BCAR3: variants seen among roughly 807,000 people sequenced by gnomAD.
BCAR3 encodes breast cancer anti-estrogen resistance protein 3.
BCAR3 carries 37 observed loss-of-function variants against 80.1 expected under a neutral mutation model. The ratio of observed to expected loss-of-function variants is 0.46; its 90% CI spans 0.36 to 0.61. The LOEUF (loss-of-function observed/expected upper bound fraction) is 0.61, where lower values mean the gene tolerates loss of function less well. BCAR3 is among the 20% of genes least tolerant of loss of function. BCAR3 has a pLI of 0.00. For synonymous variants in BCAR3, 389 were observed against 418.9 expected (o/e 0.93, Z 0.87); for missense variants, 978 against 1,068.2 (o/e 0.92, Z 1.18).
intron 3 of BCAR3, among the ~76,000 whole-genome samples, chr1:93,625,761 G>C (rs2101894318): frequency 6.6e-6 from 1 of 152,294 alleles, no homozygotes; most frequent in East Asian, 1.9e-4. Context: ...CCCAGGGTCT[G>C]ACACATCCTT....
chr1:93,675,082 A>G, intron 1 of BCAR3, 141 bp from the exon 2 acceptor site: 2 of 640,018 alleles, frequency 3.1e-6, no homozygotes, highest in Non-Finnish European at 4.9e-6. Context: ...TAATGGCATC[A>G]CTAGTGGAGT....
rs190536957 is a variant in BCAR3, at chr1:93,804,909, T to C, written c.-63+40658A>G. On this transcript the variant is annotated intron_variant, in intron 2 of 13. Coordinates refer to the BCAR3 transcript ENST00000370244. ...GTGTGGAATTATGTTTCACGTCTTT[T>C]GGGTAAATACTTATGAGTGGAATTT... Among the ~76,000 whole-genome samples the C allele has an allele frequency of 7.7e-4, 118 of 152,326 alleles. 1 individual carries two copies. The highest frequency in any genetic ancestry group is 2.8e-3 in the African/African-American group (116 of 41,582).
intron 8 of BCAR3, among the ~76,000 whole-genome samples, chr1:93,573,633 ATTTT>A (rs1156233219): frequency 7.2e-6 from 1 of 138,298 alleles, no homozygotes; most frequent in African/African-American, 2.8e-5. Flanking sequence ...TATTATTATT[ATTTT>A]TTTTTTTTTG....
At chr1:93,575,405 G>T (rs546987394) in intron 8 of BCAR3, among the ~76,000 whole-genome samples, 181 of 152,326 alleles carry the variant, frequency 1.2e-3, no homozygotes, top group African/African-American at 2.8e-3. Flanking sequence ...CTCATTGTTG[G>T]TGTCTTTCTA....
chr1:93,798,995 A>G (rs759708710), intron 2 of BCAR3, among the ~76,000 whole-genome samples: 3 of 152,222 alleles, frequency 2.0e-5, no homozygotes, highest in Non-Finnish European at 4.4e-5. Context: ...ACATTGTAAT[A>G]AAGCCAATCA....
At chr1:93,682,584 C>A (rs188651081), upstream of BCAR3, among the ~76,000 whole-genome samples, 1 of 152,142 alleles carries the variant, frequency 6.6e-6, no homozygotes, top group African/African-American at 2.4e-5. Context: ...GACAGAGTTT[C>A]GGTCTTGTTG....
intron 2 of BCAR3, among the ~76,000 whole-genome samples, chr1:93,662,452 A>G (rs1210738279): frequency 7.2e-5 from 11 of 152,068 alleles, no homozygotes; most frequent in Admixed American, 5.2e-4. Flanking sequence ...CAAAATACCA[A>G]GATCTCTTTT....
chr1:93,641,771 G>C (rs991140336), intron 3 of BCAR3, among the ~76,000 whole-genome samples: 1 of 152,036 alleles, frequency 6.6e-6, no homozygotes, highest in South Asian at 2.1e-4. Context: ...GGGAGCCTTC[G>C]GTCCTCCACT....
intron 3 of BCAR3, among the ~76,000 whole-genome samples, chr1:93,639,308 T>C (rs1421803669): frequency 6.6e-6 from 1 of 152,086 alleles, no homozygotes; most frequent in Non-Finnish European, 1.5e-5. Flanking sequence ...TCTCCTGCCA[T>C]GACACTGCAG....
intron 2 of BCAR3, among the ~76,000 whole-genome samples, chr1:93,649,218 G>A (rs1342616607): frequency 1.3e-5 from 2 of 152,164 alleles, no homozygotes; most frequent in Admixed American, 6.5e-5. Flanking sequence ...GGCCAAACAG[G>A]AGCACAGGGG....
intron 3 of BCAR3, among the ~76,000 whole-genome samples, chr1:93,620,922 A>G (rs567004904): frequency 1.3e-4 from 20 of 152,168 alleles, no homozygotes; most frequent in Non-Finnish European, 2.6e-4. Flanking sequence ...CAAGTCCCTA[A>G]TGGCAGGAAT....
At chr1:93,584,179 T>C (rs774084152) in intron 5 of BCAR3, 58 bp from the exon 6 acceptor site, 2 of 1,494,342 alleles carry the variant, frequency 1.3e-6, no homozygotes, top group Non-Finnish European at 9.2e-7. Flanking sequence ...ATAAAACTTT[T>C]AGGCAATGCC....
chr1:93,835,534 C>T (rs920226348), intron 2 of BCAR3, among the ~76,000 whole-genome samples: 7 of 152,202 alleles, frequency 4.6e-5, no homozygotes, highest in Non-Finnish European at 8.8e-5. Flanking sequence ...CTTCCAGCCT[C>T]ACAGGCCCAT....
In BCAR3 at chr1:93,582,924, C is replaced by T. The variant is rs1305103844; in HGVS notation, c.1063G>A (p.Val355Met). 1.3e-6 allele frequency: 2 copies of T among 1,597,120 alleles called. No individual in the cohort carries two copies. Among genetic ancestry groups the T allele is most frequent in the East Asian group, 2.2e-5 (1 of 44,640 alleles). ...GCKLPPQSSGVDTSPCPNSPV... is the reference protein window; with the variant it reads ...GCKLPPQSSGMDTSPCPNSPV... The stretch of plus-strand genomic sequence containing the variant: ...GAGTTTGGGCAGGGGCTTGTGTCCA[C>T]ACCCGAGGACTGAGGTGGCAGCTTG... The change falls in exon 7 of 12, where the codon GTG (valine) becomes ATG (methionine). Residue 355 changes from valine (V) to methionine (M), a missense_variant. Transcript: ENST00000260502.
intron 2 of BCAR3, among the ~76,000 whole-genome samples, chr1:93,839,546 T>C (rs1379064706): frequency 6.6e-6 from 1 of 152,222 alleles, no homozygotes; most frequent in Non-Finnish European, 1.5e-5. Context: ...GTCGTGGGCC[T>C]GATCCTTCTG....
rs1448034321 is a variant in BCAR3, at chr1:93,578,520, G to A, written c.1687-2391C>T. 1.3e-5 allele frequency among the ~76,000 whole-genome samples: 2 copies of A among 152,030 alleles called. 1 individual carries two copies. The highest frequency in any genetic ancestry group is 4.2e-4 in the South Asian group (2 of 4,816). On this transcript the variant is annotated intron_variant, in intron 7 of 11. Coordinates refer to ENST00000260502, the MANE Select transcript of BCAR3 (RefSeq NM_003567.4). ...TTGACAACTAAGTGTCTGTGCATGTGCGTTGCCTGCCGTCTGCAAGATGCT... is the reference window on the plus strand; with the variant it reads ...TTGACAACTAAGTGTCTGTGCATGTACGTTGCCTGCCGTCTGCAAGATGCT...
At chr1:93,776,084 G>C (rs895293194) in intron 2 of BCAR3, among the ~76,000 whole-genome samples, 6 of 152,126 alleles carry the variant, frequency 3.9e-5, no homozygotes, top group African/African-American at 1.4e-4. Context: ...TTTGAAAAGA[G>C]AAACTCAATT....
At chr1:93,752,400 C>T (rs1379235202) in intron 2 of BCAR3, among the ~76,000 whole-genome samples, 2 of 152,232 alleles carry the variant, frequency 1.3e-5, no homozygotes, top group Non-Finnish European at 2.9e-5. Flanking sequence ...TCTACCTGGG[C>T]ATTGGAAATA....
At chr1:93,588,417 C>T (rs1286771325) in intron 5 of BCAR3, among the ~76,000 whole-genome samples, 2 of 152,124 alleles carry the variant, frequency 1.3e-5, no homozygotes, top group Non-Finnish European at 2.9e-5. Context: ...TCTCTCCTCA[C>T]CCCCGGTACA....
Sources: allele counts gnomAD v4.1 joint callset (sites outside exome capture counted in the v4.1 genomes callset), GRCh38; gene constraint gnomAD v4.1.1; transcripts MANE v1.5; gene names NCBI Gene and HGNC (gene_info 2026-07-23, HGNC 2026-07-21).